Variants in HERC1 observed in about 807,000 individuals in gnomAD.
HERC1 encodes the protein HECT and RLD domain containing E3 ubiquitin protein ligase family member 1, also known as probable E3 ubiquitin-protein ligase HERC1.
A neutral mutation model predicts 554.3 loss-of-function variants in HERC1; 160 were observed. The ratio of observed to expected loss-of-function variants is 0.29; its 90% confidence interval spans 0.25 to 0.33. HERC1 has a LOEUF of 0.33. Among genes scored for constraint, HERC1 ranks in the 10% least tolerant of loss-of-function variants. HERC1 has a pLI of 1.00. For missense variants in HERC1, 4,919 were observed against 5,918.5 expected (o/e 0.83, Z 5.54); for synonymous variants, 2,175 against 2,131.7 (o/e 1.02, Z -0.56).
At position 63,636,022 on chromosome 15, in the gene HERC1, T is replaced by G. The variant is rs758759952; in HGVS notation, c.12353A>C (p.Asn4118Thr). ...DGDYGKLGHG[N>T]SDRQRRPRQI... The stretch of plus-strand genomic sequence containing the variant: ...CCTGGGCCGCCGCTGCCTGTCGCTG[T>G]TCCCATGGCCAAGTTTACCATAGTC... Residue 4118 changes from asparagine (N) to threonine (T), a missense_variant, in exon 65 of 78, where the codon AAC becomes ACC. This residue lies in a region of HERC1 where 122 missense variants were observed against 195.2 expected (regional missense o/e 0.63). Transcript: ENST00000443617. The G allele has an allele frequency of 1.2e-6, 2 of 1,613,798 alleles. No individual in the cohort carries two copies. Among genetic ancestry groups the G allele is most frequent in the African/African-American group, 2.7e-5 (2 of 74,890 alleles).
At position 63,668,027 on chromosome 15, in the gene HERC1, C is replaced by T. The variant is rs192133145; in HGVS notation, c.8206+1511G>A. On this transcript the variant is annotated intron_variant, in intron 40 of 77. Transcript: ENST00000443617. Reference sequence around the variant, plus strand: ...TGTTCAGGGGGTTGGTGCTGCAATCCCTGCAATGTTCAAGGGTCAACTGTA... The same window carrying T: ...TGTTCAGGGGGTTGGTGCTGCAATCTCTGCAATGTTCAAGGGTCAACTGTA... 2.3e-3 allele frequency among the ~76,000 whole-genome samples: 343 copies of T among 152,074 alleles called. 2 individuals are homozygous for T. The highest frequency in any genetic ancestry group is 7.9e-3 in the African/African-American group (329 of 41,464).
At chr15:63,747,630 C>A (rs2075102704) in intron 11 of HERC1, 94 bp downstream of exon 11, 1 of 678,696 alleles carries the variant, frequency 1.5e-6, no homozygotes, top group Non-Finnish European at 2.3e-6. Flanking sequence ...CAAGAAAGAA[C>A]AGTAAGTCAA....
chr15:63,829,543 A>ATGTGTGTGTG (rs752906693), intron 1 of HERC1, among the ~76,000 whole-genome samples: 23 of 89,648 alleles, frequency 2.6e-4, no homozygotes, highest in African/African-American at 9.3e-4. Flanking sequence ...ACATATATGT[A>ATGTGTGTGTG]TGTGTGTGTG....
intron 1 of HERC1, among the ~76,000 whole-genome samples, chr15:63,818,089 T>TA (rs577693705): frequency 3.3e-5 from 5 of 152,244 alleles, no homozygotes; most frequent in Non-Finnish European, 7.4e-5. Flanking sequence ...ATATAATAAT[T>TA]ACTCTTATTT....
intron 74 of HERC1, among the ~76,000 whole-genome samples, chr15:63,617,792 C>T (rs2067889227): frequency 6.6e-6 from 1 of 152,160 alleles, no homozygotes; most frequent in Admixed American, 6.5e-5. Context: ...TGTCTTTTGG[C>T]TGCATAAATG....
At position 63,622,798 on chromosome 15, in the gene HERC1, C is replaced by T. The variant is rs530689067; in HGVS notation, c.13688+17G>A. 14 of 1,570,762 alleles carry T rather than the reference C, an allele frequency of 8.9e-6. No homozygotes were observed. In the African/African-American group the frequency reaches 1.9e-4, roughly 21 times the overall value. On this transcript the variant is annotated intron_variant, in intron 74 of 77. Transcript: ENST00000443617. ...TATTATTTTAGACATATAATGAACA[C>T]TTGCTGACTGCCATACCTGTCCCTA...
At position 63,718,148 on chromosome 15, in the gene HERC1, T is replaced by C. The variant is rs2073653078; in HGVS notation, c.3978+426A>G. The stretch of plus-strand genomic sequence containing the variant: ...CAACCCCCTCCTTGGTTTTCACTTC[T>C]CTAAGCTGAATATTTTTGATACTTT... On this transcript the variant is annotated intron_variant, in intron 21 of 77. Coordinates refer to ENST00000443617, the MANE Select transcript of HERC1 (RefSeq NM_003922.4). The surrounding 1 kb of genome is among the most constrained non-coding windows in gnomAD (Gnocchi z 4.2). Among the ~76,000 whole-genome samples the C allele has an allele frequency of 6.6e-6, 1 of 151,016 alleles. No individual in the cohort carries two copies.
At chr15:63,628,432 G>A (rs2068401551) in intron 70 of HERC1, among the ~76,000 whole-genome samples, 2 of 152,174 alleles carry the variant, frequency 1.3e-5, no homozygotes, top group Non-Finnish European at 2.9e-5. Context: ...ATTTTTGCTT[G>A]CATAAGTAAT....
intron 14 of HERC1, 54 bp downstream of exon 14, chr15:63,732,870 A>G (rs1259993388): frequency 8.5e-7 from 1 of 1,177,252 alleles, no homozygotes; most frequent in African/African-American, 1.5e-5. Flanking sequence ...TACCTTGACT[A>G]AAGAGATCCC....
At chr15:63,661,131 C>G in intron 45 of HERC1, 106 bp from the exon 46 acceptor site, 1 of 809,518 alleles carries the variant, frequency 1.2e-6, no homozygotes. Flanking sequence ...TAAAGCAGCA[C>G]AAAATAAAAA....
At chr15:63,814,030 G>A (rs2077413908) in intron 1 of HERC1, among the ~76,000 whole-genome samples, 1 of 152,154 alleles carries the variant, frequency 6.6e-6, no homozygotes, top group Non-Finnish European at 1.5e-5. Context: ...TTGCACTCCA[G>A]CCTGGGTGAC....
At chr15:63,645,766 T>G in intron 55 of HERC1, 84 bp from the exon 56 acceptor site, 2 of 754,962 alleles carry the variant, frequency 2.6e-6, no homozygotes, top group Middle Eastern at 3.2e-4. Flanking sequence ...AACTTATATT[T>G]CTTAGCATCT....
At chr15:63,719,026 C>T in intron 19 of HERC1, 129 bp from the exon 20 acceptor site, 2 of 624,038 alleles carry the variant, frequency 3.2e-6, no homozygotes, top group Non-Finnish European at 5.5e-6. Flanking sequence ...ACAAATGCAC[C>T]TCATTAGATC....
At chr15:63,631,324 TCCA>T in intron 68 of HERC1, among the ~76,000 whole-genome samples, 1 of 152,132 alleles carries the variant, frequency 6.6e-6, no homozygotes, top group East Asian at 1.9e-4. Flanking sequence ...TTCCACTGTC[TCCA>T]CTGCACTGAA....
rs2069750393 is a variant in HERC1, at chr15:63,652,553, G to C, written c.10291-12C>G. 6.4e-7 allele frequency: 1 copy of C among 1,561,254 alleles called. No individual in the cohort carries two copies. Among genetic ancestry groups the C allele is most frequent in the South Asian group, 1.2e-5 (1 of 84,890 alleles). The stretch of plus-strand genomic sequence containing the variant: ...ACACATGTCATTACCTAGAAAAGTT[G>C]AAACAGGTAGTCTAATAATTTTCTA... On this transcript the variant is annotated splice_polypyrimidine_tract_variant and intron_variant, in intron 51 of 77. Coordinates refer to ENST00000443617, the MANE Select transcript of HERC1 (RefSeq NM_003922.4).
chr15:63,709,229 C>T (rs1374360332), intron 24 of HERC1, among the ~76,000 whole-genome samples: 2 of 151,916 alleles, frequency 1.3e-5, no homozygotes, highest in African/African-American at 4.8e-5. Flanking sequence ...ACTGCTGGCT[C>T]GAACTCCTGG....
intron 25 of HERC1, among the ~76,000 whole-genome samples, chr15:63,701,923 T>C (rs150432716): frequency 0.012 from 1,803 of 152,254 alleles, 19 homozygotes; most frequent in Middle Eastern, 0.02. Context: ...TACATAACAA[T>C]TGAGACTAAG....
At position 63,696,045 on chromosome 15, in the gene HERC1, C is replaced by T. The variant is rs1333302821; in HGVS notation, c.5121+79G>A. On this transcript the variant is annotated intron_variant, in intron 27 of 77. Coordinates refer to ENST00000443617, the MANE Select transcript of HERC1 (RefSeq NM_003922.4). ...TTGTATTTTTAAACTGAATCATAAACACCAAAAAGTTTCACATTATTAAAG... is the reference window on the plus strand; with the variant it reads ...TTGTATTTTTAAACTGAATCATAAATACCAAAAAGTTTCACATTATTAAAG... 10 of 1,055,462 alleles carry T rather than the reference C, an allele frequency of 9.5e-6. No homozygotes were observed. In the Admixed American group the frequency reaches 1.3e-4, roughly 14 times the overall value. The allele number at this position is 1,055,462 out of a possible 1,614,324, so 65.4% of individuals were successfully genotyped here. A position where few individuals can be genotyped will look rare whatever the true frequency, so the allele number is the denominator to read the frequency against.
rs1555427722 is a variant in HERC1 at position 63,718,121 on chromosome 15, C to CAAACAT, written c.3978+452_3978+453insATGTTT. On this transcript the variant is annotated intron_variant, in intron 21 of 77. Coordinates refer to ENST00000443617, the MANE Select transcript of HERC1 (RefSeq NM_003922.4). The surrounding 1 kb of genome is among the most constrained non-coding windows in gnomAD (Gnocchi z 4.2). ...ACACACACACACACACACACACACA[C>CAAACAT]ACAACCCCCTCCTTGGTTTTCACTT... 1.4e-5 allele frequency among the ~76,000 whole-genome samples: 2 copies of CAAACAT among 142,970 alleles called. No individual in the cohort carries two copies. Among genetic ancestry groups the CAAACAT allele is most frequent in the Non-Finnish European group, 3.1e-5 (2 of 65,130 alleles). The allele number at this position is 142,970 out of a possible 152,430, so 93.8% of individuals were successfully genotyped here. A position where few individuals can be genotyped will look rare whatever the true frequency, so the allele number is the denominator to read the frequency against.
Sources: allele counts gnomAD v4.1 joint callset (sites outside exome capture counted in the v4.1 genomes callset), GRCh38; gene constraint gnomAD v4.1.1; regional missense constraint gnomAD v4.1.1; non-coding constraint Gnocchi (gnomAD v3.1); transcripts MANE v1.5; gene names NCBI Gene and HGNC (gene_info 2026-07-23, HGNC 2026-07-21).